Variants in NCAM1 observed in about 807,000 individuals in gnomAD.
NCAM1 encodes antigen recognized by monoclonal antibody 5.1H11.
Under a neutral mutation model 109.8 loss-of-function variants are expected in NCAM1, and 14 were observed. That is an observed-to-expected ratio of 0.13 (90% CI 0.08 to 0.20). NCAM1 has a LOEUF of 0.20. Among genes scored for constraint, NCAM1 ranks in the 10% least tolerant of loss-of-function variants. NCAM1 has a pLI of 1.00. For missense variants in NCAM1, 774 were observed against 1,109.9 expected (o/e 0.70, Z 4.30); for synonymous variants, 418 against 442.9 (o/e 0.94, Z 0.70).
intron 1 of NCAM1, among the ~76,000 whole-genome samples, chr11:113,045,951 A>G (rs533591411): frequency 6.6e-6 from 1 of 152,338 alleles, no homozygotes; most frequent in East Asian, 1.9e-4. Context: ...TGAGATGAAT[A>G]GAGCCACAAA....
chr11:113,263,602 G>C (rs529218666), intron 17 of NCAM1: 1 of 985,500 alleles, frequency 1.0e-6, no homozygotes, highest in South Asian at 4.7e-5. Flanking sequence ...ACCTTACACT[G>C]TCTCTGTGAA....
chr11:113,047,943 G>A (rs773018989), intron 1 of NCAM1, among the ~76,000 whole-genome samples: 14 of 152,112 alleles, frequency 9.2e-5, no homozygotes, highest in Non-Finnish European at 1.5e-4. Context: ...TGAGATTTGA[G>A]TGGGGACATA....
At chr11:113,256,140 T>G in intron 16 of NCAM1, 139 bp downstream of exon 16, 1 of 1,128,170 alleles carries the variant, frequency 8.9e-7, no homozygotes, top group Non-Finnish European at 1.2e-6. Context: ...CCATGGGCCC[T>G]GGCCATGGCT....
Position 113,035,207 on chromosome 11 carries a change from T to C in NCAM1, c.52+73543T>C, listed in dbSNP as rs144097264. On this transcript the variant is annotated intron_variant, in intron 1 of 19. Transcript: ENST00000316851. Reference sequence around the variant, plus strand: ...CTTATAACTAGGGCCCATTTTGTTATAATTCTTCTATGAAAACAGCAATTC... The same window carrying C: ...CTTATAACTAGGGCCCATTTTGTTACAATTCTTCTATGAAAACAGCAATTC... Among the ~76,000 whole-genome samples the C allele has an allele frequency of 3.9e-5, 6 of 152,366 alleles. No homozygotes were observed. The East Asian group carries it at 1.2e-3, about 29-fold the overall frequency.
chr11:113,198,277 T>C (rs1425232672), intron 1 of NCAM1, among the ~76,000 whole-genome samples: 1 of 152,112 alleles, frequency 6.6e-6, no homozygotes, highest in African/African-American at 2.4e-5. Context: ...CTTACCCATA[T>C]GTAAAATAGA....
chr11:113,113,396 A>G (rs1940538769), intron 1 of NCAM1, among the ~76,000 whole-genome samples: 1 of 152,162 alleles, frequency 6.6e-6, no homozygotes, highest in Non-Finnish European at 1.5e-5. Context: ...GCCCTATAGG[A>G]ACTTGCCATT....
At chr11:113,252,799 CTTTTTTTTTTTTTTTTT>C (rs33948720) in intron 15 of NCAM1, among the ~76,000 whole-genome samples, 4 of 39,706 alleles carry the variant, frequency 1.0e-4, no homozygotes, top group Non-Finnish European at 1.3e-4. Flanking sequence ...CTATGCCCAG[CTTTTTTTTTTTTTTTTT>C]TTTTTTTTTT....
At position 113,214,465 on chromosome 11, in the gene NCAM1, C is replaced by G. The variant is rs782091615; in HGVS notation, c.1013C>G (p.Ser338Cys). Residue 338 changes from serine (S) to cysteine (C), a missense_variant, in exon 8 of 20, where the codon TCC (serine) becomes TGC (cysteine). Around this residue, in one of 4 missense-constraint regions of NCAM1, gnomAD observed 523 missense variants for 784.2 expected, o/e 0.67. Coordinates refer to ENST00000316851, the MANE Select transcript of NCAM1 (RefSeq NM_181351.5). ...GAAGCCTCCGGAGACCCCATTCCCT[C>G]CATCACCTGGAGGACTTCTACCCGG... Reference protein sequence around the residue: ...TCEASGDPIPSITWRTSTRNI... With the variant: ...TCEASGDPIPCITWRTSTRNI... 9.3e-6 allele frequency: 15 copies of G among 1,612,792 alleles called. No homozygotes were observed. Among genetic ancestry groups the G allele is most frequent in the Non-Finnish European group, 1.3e-5 (15 of 1,179,336 alleles).
At chr11:113,004,062 A>C (rs986998031) in intron 1 of NCAM1, among the ~76,000 whole-genome samples, 2 of 152,222 alleles carry the variant, frequency 1.3e-5, no homozygotes, top group Admixed American at 6.5e-5. Flanking sequence ...CTTTCTTCCA[A>C]CCGTGGAAAA....
chr11:113,090,845 A>G (rs1196878629), intron 1 of NCAM1, among the ~76,000 whole-genome samples: 1 of 152,228 alleles, frequency 6.6e-6, no homozygotes, highest in Non-Finnish European at 1.5e-5. Context: ...AATGCTTACT[A>G]GCACCTACTG....
At chr11:113,176,835 C>A (rs140745879) in intron 1 of NCAM1, among the ~76,000 whole-genome samples, 10 of 152,230 alleles carry the variant, frequency 6.6e-5, no homozygotes, top group African/African-American at 2.4e-4. Context: ...AATGTTTCCA[C>A]TGTACCATAA....
At chr11:113,183,573 G>A (rs2136617534) in intron 1 of NCAM1, among the ~76,000 whole-genome samples, 1 of 152,188 alleles carries the variant, frequency 6.6e-6, no homozygotes, top group East Asian at 1.9e-4. Flanking sequence ...ATTATAGTCT[G>A]GCTTCTTGGT....
At chr11:113,260,815 A>T (rs1555123196) in intron 17 of NCAM1, among the ~76,000 whole-genome samples, 1 of 152,202 alleles carries the variant, frequency 6.6e-6, no homozygotes, top group Non-Finnish European at 1.5e-5. Flanking sequence ...ATTTACTTAC[A>T]AACCCTATCT....
intron 1 of NCAM1, among the ~76,000 whole-genome samples, chr11:113,179,693 A>C (rs899659343): frequency 2.6e-5 from 4 of 152,246 alleles, no homozygotes; most frequent in Non-Finnish European, 4.4e-5. Flanking sequence ...AGGATAAAGT[A>C]TAGACAATCA....
chr11:113,223,668 A>G (rs187815619), intron 9 of NCAM1, among the ~76,000 whole-genome samples: 21 of 152,214 alleles, frequency 1.4e-4, no homozygotes, highest in Middle Eastern at 3.4e-3. Flanking sequence ...TTCAATTTCC[A>G]AGTTTGTGTG....
At chr11:113,056,381 A>C (rs1555082584) in intron 1 of NCAM1, among the ~76,000 whole-genome samples, 3 of 152,126 alleles carry the variant, frequency 2.0e-5, no homozygotes, top group African/African-American at 7.2e-5. Flanking sequence ...AAATAGCTAT[A>C]AGAGATGAAT....
chr11:112,987,498 T>C (rs889681052), intron 1 of NCAM1, among the ~76,000 whole-genome samples: 1 of 152,154 alleles, frequency 6.6e-6, no homozygotes, highest in African/African-American at 2.4e-5. Flanking sequence ...TGAGGTCTCT[T>C]ATTATTATTG....
chr11:113,126,529 C>A (rs1179851103), intron 1 of NCAM1, among the ~76,000 whole-genome samples: 1 of 152,180 alleles, frequency 6.6e-6, no homozygotes, highest in African/African-American at 2.4e-5. Flanking sequence ...TATCACCCTG[C>A]TCTTTTATTG....
intron 1 of NCAM1, among the ~76,000 whole-genome samples, chr11:113,171,153 T>C (rs1367665936): frequency 6.6e-6 from 1 of 152,168 alleles, no homozygotes; most frequent in Non-Finnish European, 1.5e-5. Flanking sequence ...CAGGTGGATG[T>C]TATTATCTTC....
Sources: allele counts gnomAD v4.1 joint callset (sites outside exome capture counted in the v4.1 genomes callset), GRCh38; gene constraint gnomAD v4.1.1; regional missense constraint gnomAD v4.1.1; transcripts MANE v1.5; gene names NCBI Gene and HGNC (gene_info 2026-07-23, HGNC 2026-07-21).